The following COMMD1 variants were observed in gnomAD, a reference collection of about 807,000 sequenced individuals.
COMMD1 encodes the protein copper metabolism domain containing 1, also known as COMM domain-containing protein 1.
Under a neutral mutation model 17.2 loss-of-function variants are expected in COMMD1, and 10 were observed. The observed-to-expected ratio is 0.58, with a 90% CI of 0.36 to 0.99. The LOEUF is 0.99. COMMD1 is among the 50% of genes least tolerant of loss of function. COMMD1 has a pLI of 0.01. For missense variants in COMMD1, 270 were observed against 231.8 expected, an observed-to-expected ratio of 1.17 and a Z score of -1.07; for synonymous variants, 97 against 91.6, an observed-to-expected ratio of 1.06 and a Z score of -0.34.
At chr2:62,011,891 C>CA (rs961196595) in intron 2 of COMMD1, among the ~76,000 whole-genome samples, 1 of 152,000 alleles carries the variant, frequency 6.6e-6, no homozygotes, top group African/African-American at 2.4e-5. Flanking sequence ...ATAAGAACAA[C>CA]AAAAAAGTTG....
At chr2:61,921,213 A>C (rs1389340119) in intron 1 of COMMD1, among the ~76,000 whole-genome samples, 1 of 151,888 alleles carries the variant, frequency 6.6e-6, no homozygotes, top group Non-Finnish European at 1.5e-5. Context: ...CAAGAGATCC[A>C]CCCACCTTGG....
intron 1 of COMMD1, among the ~76,000 whole-genome samples, chr2:61,991,368 A>AT (rs1168530445): frequency 3.3e-5 from 5 of 152,168 alleles, no homozygotes; most frequent in Non-Finnish European, 5.9e-5. Flanking sequence ...AACATTTAGA[A>AT]TTTTTTATTT....
At chr2:61,896,204 G>A (rs1230819234) in intron 1 of COMMD1, among the ~76,000 whole-genome samples, 1 of 152,180 alleles carries the variant, frequency 6.6e-6, no homozygotes, top group Non-Finnish European at 1.5e-5. Context: ...TTCATGTGTT[G>A]GAAACTTAAT....
intron 1 of COMMD1, among the ~76,000 whole-genome samples, chr2:61,969,552 A>G (rs1431711828): frequency 6.6e-6 from 1 of 152,346 alleles, no homozygotes; most frequent in East Asian, 1.9e-4. Context: ...TGACAAGTAC[A>G]GATTTGTTTT....
intron 2 of COMMD1, among the ~76,000 whole-genome samples, chr2:62,088,937 G>C (rs1671747069): frequency 2.6e-5 from 4 of 152,214 alleles, no homozygotes. Flanking sequence ...ACAACTCAAA[G>C]AGGGGGAGAA....
chr2:62,089,221 C>G (rs1671755218), intron 2 of COMMD1, among the ~76,000 whole-genome samples: 1 of 151,418 alleles, frequency 6.6e-6, no homozygotes, highest in Non-Finnish European at 1.5e-5. Context: ...TTTACAGATG[C>G]AGATTTTCCC....
At chr2:62,083,274 A>AG (rs971941129) in intron 2 of COMMD1, among the ~76,000 whole-genome samples, 1 of 152,062 alleles carries the variant, frequency 6.6e-6, no homozygotes, top group African/African-American at 2.4e-5. Flanking sequence ...ATTGAGAAAA[A>AG]AAAAAAAGTC....
At chr2:62,001,819 G>A (rs1428424913) in intron 2 of COMMD1, among the ~76,000 whole-genome samples, 1 of 152,066 alleles carries the variant, frequency 6.6e-6, no homozygotes, top group Non-Finnish European at 1.5e-5. Context: ...ATTTTTCAGT[G>A]TTTGCAGTTC....
chr2:62,079,252 G>A (rs563548748), intron 2 of COMMD1, among the ~76,000 whole-genome samples: 10 of 152,272 alleles, frequency 6.6e-5, no homozygotes, highest in South Asian at 2.1e-4. Flanking sequence ...ACAGTAGGGC[G>A]TTCCTGAAAG....
intron 2 of COMMD1, among the ~76,000 whole-genome samples, chr2:62,060,460 G>A (rs1054084221): frequency 1.3e-5 from 2 of 152,028 alleles, no homozygotes; most frequent in Admixed American, 6.5e-5. Flanking sequence ...GTGGTAACCC[G>A]TATTTCAATA....
At chr2:61,908,728 T>G (rs1008469928) in intron 1 of COMMD1, among the ~76,000 whole-genome samples, 4 of 151,340 alleles carry the variant, frequency 2.6e-5, no homozygotes, top group Admixed American at 6.6e-5. Context: ...CCCGGCTAAT[T>G]TTTTTGTTTT....
In COMMD1 at chr2:62,084,633, C is replaced by CT. The variant is rs1178232916; in HGVS notation, c.463-51191dup. 3.3e-5 allele frequency among the ~76,000 whole-genome samples: 5 copies of CT among 152,226 alleles called. No homozygotes were observed. In the East Asian group the frequency reaches 7.7e-4, roughly 24 times the overall value. ...GATTTCTGAAAAAGGCTCATTTGGT[C>CT]TTTTTTTGTAATGAGGTAAAAATAT... On this transcript the variant is annotated intron_variant, in intron 2 of 2. Transcript: ENST00000311832.
At chr2:61,922,739 T>G (rs1670231246) in intron 1 of COMMD1, among the ~76,000 whole-genome samples, 1 of 152,248 alleles carries the variant, frequency 6.6e-6, no homozygotes, top group South Asian at 2.1e-4. Flanking sequence ...ATGCTATTAG[T>G]TGTAATTACT....
At position 61,993,068 on chromosome 2, in the gene COMMD1, C is replaced by T. The variant is rs572294275; in HGVS notation, c.181-7633C>T. On this transcript the variant is annotated intron_variant, in intron 1 of 2. Coordinates refer to ENST00000311832, the MANE Select transcript of COMMD1 (RefSeq NM_152516.4). ...TACCTCATAGGAGAGTGCTTCACACCATCCTGCCTGACCACCACTGAAGCA... is the reference window on the plus strand; with the variant it reads ...TACCTCATAGGAGAGTGCTTCACACTATCCTGCCTGACCACCACTGAAGCA... Among the ~76,000 whole-genome samples the T allele has an allele frequency of 5.3e-5, 8 of 152,264 alleles. No individual in the cohort carries two copies. The South Asian group carries it at 1.5e-3, about 28-fold the overall frequency.
intron 2 of COMMD1, among the ~76,000 whole-genome samples, chr2:62,104,744 T>A (rs182684024): frequency 6.6e-6 from 1 of 152,126 alleles, no homozygotes; most frequent in African/African-American, 2.4e-5. Flanking sequence ...GTGCCTGTTA[T>A]GTGCCAGGCA....
At chr2:62,070,500 A>T (rs940233930) in intron 2 of COMMD1, 1 of 150,386 alleles carries the variant, frequency 6.6e-6, no homozygotes, top group Non-Finnish European at 1.5e-5. Context: ...GTGAGCTATG[A>T]TCATGCCACT....
chr2:61,947,602 A>G (rs553988394), intron 1 of COMMD1, among the ~76,000 whole-genome samples: 3 of 152,096 alleles, frequency 2.0e-5, no homozygotes, highest in Non-Finnish European at 2.9e-5. Flanking sequence ...AGAATTGCTT[A>G]AACCCAAGAG....
chr2:61,889,780 A>T (rs1572933474), intron 1 of COMMD1, among the ~76,000 whole-genome samples: 1 of 152,140 alleles, frequency 6.6e-6, no homozygotes. Context: ...CTTGTTCTAC[A>T]CTAGTGTCTC....
intron 2 of COMMD1, among the ~76,000 whole-genome samples, chr2:62,027,659 G>GTTATGTTA (rs1553381179): frequency 0.027 from 1,189 of 43,550 alleles, 23 homozygotes; most frequent in East Asian, 0.088. Context: ...ATGTTATGTT[G>GTTATGTTA]TGTTATGTTA....
Sources: allele counts gnomAD v4.1 joint callset (sites outside exome capture counted in the v4.1 genomes callset), GRCh38; gene constraint gnomAD v4.1.1; transcripts MANE v1.5; gene names NCBI Gene and HGNC (gene_info 2026-07-23, HGNC 2026-07-21).